ROCK2: variants seen among roughly 807,000 people sequenced by gnomAD.
The protein encoded by ROCK2 is rho-associated protein kinase 2.
Under a neutral mutation model 195.1 loss-of-function variants are expected in ROCK2, and 61 were observed. The observed-to-expected ratio is 0.31, with a 90% CI of 0.25 to 0.39. The LOEUF (loss-of-function observed/expected upper bound fraction) is 0.39. Ranked by LOEUF, ROCK2 falls within the 10% of genes least tolerant of loss-of-function variation. The probability of loss-of-function intolerance (pLI) is 1.00; values close to 1 mark genes in which losing one functional copy is unlikely to be tolerated. For synonymous variants in ROCK2, 504 were observed against 545.5 expected (o/e 0.92, Z 1.06); for missense variants, 1,109 against 1,637.4 (o/e 0.68, Z 5.57).
Position 11,201,282 on chromosome 2 carries a change from CA to C in ROCK2, c.2723+27del. On this transcript the variant is annotated intron_variant, in intron 22 of 32. Coordinates refer to ENST00000315872, the MANE Select transcript of ROCK2 (RefSeq NM_004850.5). This position sits in a 1 kb window ranked among gnomAD's most constrained non-coding sequence, Gnocchi z 4.6. ...TAGGAGCAAAGTATACAGCTATGAA[CA>C]AAAAGAGACAAGGGTCTCATACTTA... 6.4e-7 allele frequency: 1 copy of C among 1,551,802 alleles called. No individual in the cohort carries two copies. The highest frequency in any genetic ancestry group is 8.9e-7 in the Non-Finnish European group (1 of 1,124,946).
At chr2:11,266,143 G>A (rs116326851) in intron 3 of ROCK2, among the ~76,000 whole-genome samples, 1 of 152,178 alleles carries the variant, frequency 6.6e-6, no homozygotes, top group African/African-American at 2.4e-5. Context: ...TAACATGAAT[G>A]GAGCTGGCAT....
chr2:11,179,837 G>A lies in ROCK2; in HGVS notation c.*3600C>T, dbSNP rs951520709. 1.1e-4 allele frequency: 17 copies of A among 151,800 alleles called. No homozygotes were observed. Among genetic ancestry groups the A allele is most frequent in the South Asian group, 1.0e-3 (5 of 4,814 alleles). The allele number at this position is 151,800 out of a possible 1,614,324, so 9.4% of individuals were successfully genotyped here. ...GCATAAAATACAATTACATTACTAC[G>A]AAGATGCAACAAAATTTTAAAAAAG... On this transcript the variant is annotated 3_prime_UTR_variant, in exon 33 of 33. Coordinates refer to ENST00000315872, the MANE Select transcript of ROCK2 (RefSeq NM_004850.5).
chr2:11,262,611 G>GCC (rs1553308339), intron 3 of ROCK2, among the ~76,000 whole-genome samples: 3 of 152,124 alleles, frequency 2.0e-5, no homozygotes, highest in Non-Finnish European at 2.9e-5. Context: ...TCCTGCACAA[G>GCC]CTCTCTTTGC....
chr2:11,212,034 G>C (rs1664267028), intron 17 of ROCK2, among the ~76,000 whole-genome samples, 194 bp from the exon 18 acceptor site: 1 of 151,686 alleles, frequency 6.6e-6, no homozygotes. Flanking sequence ...GGCCTCCAAA[G>C]TAGCTGGGAC....
chr2:11,194,331 C>A lies in ROCK2; in HGVS notation c.3533G>T (p.Ser1178Ile). ...GTCATAGAAAAGAATCTTCTTACTG[C>A]TTACAATCACATACTGTTAAAACAG... is the stretch of plus-strand genomic sequence containing the variant. ...FGWVKKYVIV[S>I]SKKILFYDSE... Residue 1178 changes from serine (S) to isoleucine (I), a missense_variant, in exon 29 of 33, where the codon AGC (serine) becomes ATC (isoleucine). By Grantham distance (142) the Ser-to-Ile change is moderately radical. Coordinates refer to ENST00000315872, the MANE Select transcript of ROCK2 (RefSeq NM_004850.5). 1 of 1,424,590 alleles carries A rather than the reference C, an allele frequency of 7.0e-7. No homozygotes were observed. The highest frequency in any genetic ancestry group is 9.5e-7 in the Non-Finnish European group (1 of 1,049,356). The allele number at this position is 1,424,590 out of a possible 1,614,324, so 88.2% of individuals were successfully genotyped here. A position where few individuals can be genotyped will look rare whatever the true frequency, so the allele number is the denominator to read the frequency against.
rs564194657 is a variant in ROCK2, at chr2:11,249,778, C to G, written c.345G>C (p.Gln115His). Residue 115 changes from glutamine to histidine, a missense_variant, in exon 4 of 33, where the codon CAG (glutamine) becomes CAC (histidine). By Grantham distance (24) the Gln-to-His change is conservative. Coordinates refer to ENST00000315872, the MANE Select transcript of ROCK2 (RefSeq NM_004850.5). ...TAAGAAGCTTCATAGCATAAACCTT[C>G]TGCGATGCCTTGTGACGAACCTGTT... is the stretch of plus-strand genomic sequence containing the variant. ...EVQLVRHKASQKVYAMKLLSK... is the reference protein window; with the variant it reads ...EVQLVRHKASHKVYAMKLLSK... 9 of 1,543,304 alleles carry G rather than the reference C, an allele frequency of 5.8e-6. No homozygotes were observed. In the East Asian group the frequency reaches 1.6e-4, roughly 28 times the overall value.
intron 1 of ROCK2, among the ~76,000 whole-genome samples, chr2:11,305,383 A>T (rs546356977): frequency 2.0e-5 from 3 of 152,160 alleles, no homozygotes; most frequent in African/African-American, 7.2e-5. Flanking sequence ...CTCAAAAATA[A>T]AGTTAAAAAA....
intron 4 of ROCK2, among the ~76,000 whole-genome samples, chr2:11,245,551 T>C (rs1665583402): frequency 6.6e-6 from 1 of 152,200 alleles, no homozygotes; most frequent in Non-Finnish European, 1.5e-5. Flanking sequence ...ATGTCAAATG[T>C]GCATACCATC....
At chr2:11,299,643 A>G (rs926453820) in intron 1 of ROCK2, among the ~76,000 whole-genome samples, 3 of 152,238 alleles carry the variant, frequency 2.0e-5, no homozygotes, top group African/African-American at 4.8e-5. Context: ...TGCTATTCAT[A>G]TAACTACCAC....
At chr2:11,213,080 G>A (rs999467932) in intron 17 of ROCK2, among the ~76,000 whole-genome samples, 4 of 152,118 alleles carry the variant, frequency 2.6e-5, no homozygotes, top group Non-Finnish European at 5.9e-5. Flanking sequence ...ACTATTAAGT[G>A]CTGCCAAATA....
intron 3 of ROCK2, among the ~76,000 whole-genome samples, chr2:11,266,800 C>G (rs1666431152): frequency 6.6e-6 from 1 of 152,068 alleles, no homozygotes; most frequent in African/African-American, 2.4e-5. Flanking sequence ...AAAACAGAAC[C>G]AAGAATTAAA....
intron 4 of ROCK2, among the ~76,000 whole-genome samples, chr2:11,246,410 A>G (rs1665616981): frequency 6.6e-6 from 1 of 152,156 alleles, no homozygotes; most frequent in Admixed American, 6.5e-5. Context: ...TGCCAAAACT[A>G]AACTAAGGTG....
At chr2:11,186,484 A>C (rs1663204158) in intron 32 of ROCK2, among the ~76,000 whole-genome samples, 2 of 152,290 alleles carry the variant, frequency 1.3e-5, no homozygotes, top group East Asian at 1.9e-4. Context: ...TCAGTCATCT[A>C]ATTCTAGTTA....
intron 3 of ROCK2, among the ~76,000 whole-genome samples, chr2:11,281,150 A>G (rs1156746687): frequency 2.7e-5 from 4 of 150,408 alleles, no homozygotes; most frequent in African/African-American, 9.8e-5. Flanking sequence ...AGAAAGACAG[A>G]TGATCATATC....
At chr2:11,316,641 A>C (rs991636344) in intron 1 of ROCK2, among the ~76,000 whole-genome samples, 1 of 152,192 alleles carries the variant, frequency 6.6e-6, no homozygotes, top group Non-Finnish European at 1.5e-5. Flanking sequence ...ACAGGTCTGG[A>C]ACATGCAGGC....
At chr2:11,243,553 C>CT (rs1665507545) in intron 4 of ROCK2, among the ~76,000 whole-genome samples, 1 of 152,122 alleles carries the variant, frequency 6.6e-6, no homozygotes, top group Non-Finnish European at 1.5e-5. Context: ...GAAAATGGCA[C>CT]TTTAACTCTG....
chr2:11,337,794 T>C (rs1409336226), intron 1 of ROCK2, among the ~76,000 whole-genome samples: 2 of 151,916 alleles, frequency 1.3e-5, no homozygotes. Flanking sequence ...CCACCACGCC[T>C]GGCTAATTTT....
At chr2:11,290,150 T>C (rs1667315521) in intron 1 of ROCK2, among the ~76,000 whole-genome samples, 1 of 152,206 alleles carries the variant, frequency 6.6e-6, no homozygotes, top group Non-Finnish European at 1.5e-5. Flanking sequence ...GTGTTTTAAG[T>C]ATATGAAATT....
chr2:11,309,152 T>C (rs1168502501), intron 1 of ROCK2, among the ~76,000 whole-genome samples: 1 of 150,966 alleles, frequency 6.6e-6, no homozygotes, highest in Non-Finnish European at 1.5e-5. Context: ...AGGTTTATTG[T>C]AGCTTTTGAA....
Sources: allele counts gnomAD v4.1 joint callset (sites outside exome capture counted in the v4.1 genomes callset), GRCh38; gene constraint gnomAD v4.1.1; non-coding constraint Gnocchi (gnomAD v3.1); transcripts MANE v1.5; gene names NCBI Gene and HGNC (gene_info 2026-07-23, HGNC 2026-07-21).